The following HAPLN3 variants were observed in gnomAD, a reference collection of about 807,000 sequenced individuals.
HAPLN3 encodes hyaluronan and proteoglycan link protein 3, also known as extracellular link domain containing, 1.
HAPLN3 carries 28 observed loss-of-function variants against 28.1 expected under a neutral mutation model. That is an observed-to-expected ratio of 1.00 (90% CI 0.74 to 1.37). HAPLN3 has a LOEUF of 1.37. HAPLN3 is among the 40% of genes most tolerant of loss of function. HAPLN3 has a pLI of 0.00. For missense variants in HAPLN3, 513 were observed against 504.6 expected (o/e 1.02, Z -0.16); for synonymous variants, 211 against 213.1 (o/e 0.99, Z 0.09).
At chr15:88,893,115 G>GT (rs759692127) in intron 1 of HAPLN3, 46 of 782,936 alleles carry the variant, frequency 5.9e-5, no homozygotes, top group Non-Finnish European at 9.8e-5. Context: ...TTCCTCATCT[G>GT]TAAAAAAAAG....
rs557677392 is a variant in HAPLN3 at position 88,879,535 on chromosome 15, C to T, written c.494-266G>A. ...TAATGTCCCCAACAATGTCCCCAACCTAATCCGCAAGGCTGTCGCCAGACC... is the reference window on the plus strand; with the variant it reads ...TAATGTCCCCAACAATGTCCCCAACTTAATCCGCAAGGCTGTCGCCAGACC... On this transcript the variant is annotated intron_variant, in intron 3 of 4. Coordinates refer to ENST00000359595, the MANE Select transcript of HAPLN3 (RefSeq NM_178232.4). This position sits in a 1 kb window ranked among gnomAD's most constrained non-coding sequence, Gnocchi z 5.0. The T allele has an allele frequency of 3.3e-3, 4,915 of 1,467,668 alleles. 10 individuals are homozygous for T. Among genetic ancestry groups the T allele is most frequent in the Non-Finnish European group, 4.2e-3 (4,607 of 1,102,970 alleles). 90.9% of individuals were successfully genotyped at this position (1,467,668 alleles called of 1,614,324 possible).
chr15:88,886,350 TAA>T (rs532267599), intron 2 of HAPLN3, among the ~76,000 whole-genome samples: 33 of 127,772 alleles, frequency 2.6e-4, no homozygotes, highest in Admixed American at 3.9e-4. Flanking sequence ...GACTCCATCT[TAA>T]AAAAAAAAAA....
chr15:88,885,458 GTTT>G (rs761060139), intron 2 of HAPLN3, among the ~76,000 whole-genome samples: 7 of 114,924 alleles, frequency 6.1e-5, no homozygotes, highest in Admixed American at 9.4e-5. Context: ...TGTTTTTTGT[GTTT>G]TTTTTTTTTT....
In HAPLN3 at chr15:88,881,574, C is replaced by T. The variant is rs148751452; in HGVS notation, c.276G>A (p.Ser92=). Residue 92 remains serine, a synonymous_variant, in exon 3 of 5, where the codon TCG becomes TCA. Transcript: ENST00000359595. The surrounding 1 kb of genome is among the most constrained non-coding windows in gnomAD (Gnocchi z 6.0). ...CGTCCTTCTCTGGGGCCCCGTTCTCCGACAGCTTCCACCATTTGACACGCA... is the reference window on the plus strand; with the variant it reads ...CGTCCTTCTCTGGGGCCCCGTTCTCTGACAGCTTCCACCATTTGACACGCA... The part of the protein sequence containing the change: ...RRVRVKWWKL[S]ENGAPEKDVL... 1.6e-5 allele frequency: 26 copies of T among 1,614,108 alleles called. No homozygotes were observed. Among genetic ancestry groups the T allele is most frequent in the African/African-American group, 8.0e-5 (6 of 75,046 alleles).
Position 88,878,711 on chromosome 15 carries a change from G to A in HAPLN3, c.796+256C>T, listed in dbSNP as rs181030740. 6.2e-3 allele frequency among the ~76,000 whole-genome samples: 951 copies of A among 152,328 alleles called. 6 individuals carry two copies. Among genetic ancestry groups the A allele is most frequent in the Non-Finnish European group, 8.7e-3 (589 of 68,036 alleles). ...TGTGATTCCCGAGAGCCTAGTCTAG[G>A]CCCCAGCATATGGTAGGCACTCAGT... On this transcript the variant is annotated intron_variant, in intron 4 of 4. Coordinates refer to ENST00000359595, the MANE Select transcript of HAPLN3 (RefSeq NM_178232.4).
chr15:88,893,041 T>C (rs1898053902), intron 1 of HAPLN3: 1 of 1,396,706 alleles, frequency 7.2e-7, no homozygotes, highest in Non-Finnish European at 9.8e-7. Context: ...GGCTCGGTAT[T>C]GGAGCTGGAC....
chr15:88,882,798 G>A (rs1428492616), intron 2 of HAPLN3, among the ~76,000 whole-genome samples: 1 of 152,112 alleles, frequency 6.6e-6, no homozygotes, highest in Non-Finnish European at 1.5e-5. Context: ...CAGCCCAGGA[G>A]TTTGAGACCA....
chr15:88,885,709 C>G lies in HAPLN3; in HGVS notation c.124+1466G>C, dbSNP rs1319755955. 3.3e-5 allele frequency among the ~76,000 whole-genome samples: 5 copies of G among 152,142 alleles called. No homozygotes were observed. In the East Asian group the frequency reaches 5.8e-4, roughly 18 times the overall value. ...TGACCTCGTGATCCATCCACCTCGG[C>G]CTCCTTAAGTGCTGGGATTACAGGT... On this transcript the variant is annotated intron_variant, in intron 2 of 4. Coordinates refer to ENST00000359595, the MANE Select transcript of HAPLN3 (RefSeq NM_178232.4).
intron 2 of HAPLN3, among the ~76,000 whole-genome samples, chr15:88,882,458 C>T (rs955084263): frequency 6.6e-6 from 1 of 152,232 alleles, no homozygotes; most frequent in Admixed American, 6.5e-5. Flanking sequence ...ACAGCCCTGG[C>T]TTTACTCTCT....
rs778252381 is a variant in HAPLN3, at chr15:88,881,777, C to A, written c.125-52G>T. 9.7e-6 allele frequency: 15 copies of A among 1,547,040 alleles called. No individual in the cohort carries two copies. In the South Asian group the frequency reaches 1.9e-4, roughly 19 times the overall value. Reference sequence around the variant, plus strand: ...AGACCTGCTGAAGCACATCTGTACCCCTGCAAGGGCCACCGCACACCCTCA... The same window carrying A: ...AGACCTGCTGAAGCACATCTGTACCACTGCAAGGGCCACCGCACACCCTCA... On this transcript the variant is annotated intron_variant, in intron 2 of 4. Coordinates refer to ENST00000359595, the MANE Select transcript of HAPLN3 (RefSeq NM_178232.4). This position sits in a 1 kb window ranked among gnomAD's most constrained non-coding sequence, Gnocchi z 6.0.
chr15:88,878,580 C>A (rs1324565822), intron 4 of HAPLN3, among the ~76,000 whole-genome samples: 1 of 152,198 alleles, frequency 6.6e-6, no homozygotes, highest in East Asian at 1.9e-4. Flanking sequence ...GTGTCAGACA[C>A]TTTTCCAAGG....
rs884727 is a variant in HAPLN3, at chr15:88,892,854, C to G, written c.-48+2605G>C. ...CTCTGACCATCCCTGACCACTACCA[C>G]TGAGGGGAGGGATGGGTAGCCTCTG... On this transcript the variant is annotated intron_variant, in intron 1 of 4. Transcript: ENST00000359595. 2.7e-6 allele frequency: 3 copies of G among 1,129,618 alleles called. No homozygotes were observed. In the Admixed American group the frequency reaches 7.3e-5, roughly 27 times the overall value. 70.0% of individuals were successfully genotyped at this position (1,129,618 alleles called of 1,614,324 possible). A position where few individuals can be genotyped will look rare whatever the true frequency, so the allele number is the denominator to read the frequency against.
intron 1 of HAPLN3, among the ~76,000 whole-genome samples, 187 bp from the exon 2 acceptor site, chr15:88,887,532 A>C (rs150849696): frequency 6.6e-6 from 1 of 152,352 alleles, no homozygotes; most frequent in Non-Finnish European, 1.5e-5. Context: ...TCCTGCTTTC[A>C]GGGAGCTGTA....
intron 1 of HAPLN3, among the ~76,000 whole-genome samples, chr15:88,890,085 C>T (rs1217343887): frequency 6.6e-6 from 1 of 152,090 alleles, no homozygotes; most frequent in East Asian, 1.9e-4. Context: ...GGCAGGCAGA[C>T]ACACACAGCA....
chr15:88,885,502 G>C (rs986077779), intron 2 of HAPLN3, among the ~76,000 whole-genome samples: 51 of 146,162 alleles, frequency 3.5e-4, no homozygotes, highest in African/African-American at 1.2e-3. Context: ...TTGTCGTTCA[G>C]GCTGGAGTGC....
Position 88,882,624 on chromosome 15 carries a change from CT to C in HAPLN3, c.125-900del, listed in dbSNP as rs1412861865. Among the ~76,000 whole-genome samples, 4 of 152,200 alleles carry C rather than the reference CT, an allele frequency of 2.6e-5. 1 individual carries two copies. The South Asian group carries it at 6.2e-4, about 24-fold the overall frequency. On this transcript the variant is annotated intron_variant, in intron 2 of 4. Coordinates refer to ENST00000359595, the MANE Select transcript of HAPLN3 (RefSeq NM_178232.4). ...AATCAAGTTCATAGGCTAAGGCTGC[CT>C]CATCTTTAACTTGGGAGCCCCTGTT...
chr15:88,887,418 C>G, intron 1 of HAPLN3, 73 bp from the exon 2 acceptor site: 2 of 1,350,520 alleles, frequency 1.5e-6, no homozygotes, highest in Non-Finnish European at 2.0e-6. Context: ...TGCTCCAACA[C>G]CACTCACTCG....
At chr15:88,885,263 C>T (rs1367051189) in intron 2 of HAPLN3, among the ~76,000 whole-genome samples, 1 of 152,170 alleles carries the variant, frequency 6.6e-6, no homozygotes, top group Non-Finnish European at 1.5e-5. Context: ...CTTCCACAAA[C>T]AAGTGGAACA....
intron 1 of HAPLN3, among the ~76,000 whole-genome samples, chr15:88,894,951 A>G (rs1898117643): frequency 6.6e-6 from 1 of 152,030 alleles, no homozygotes. Context: ...CCAGGCGCCC[A>G]GAGCCGGCCA....
Sources: allele counts gnomAD v4.1 joint callset (sites outside exome capture counted in the v4.1 genomes callset), GRCh38; gene constraint gnomAD v4.1.1; non-coding constraint Gnocchi (gnomAD v3.1); transcripts MANE v1.5; gene names NCBI Gene and HGNC (gene_info 2026-07-23, HGNC 2026-07-21).